Variants in DCAF8L2 observed in about 807,000 individuals in gnomAD.
The protein encoded by DCAF8L2 is DDB1 and CUL4 associated factor 8 like 2.
For synonymous variants in DCAF8L2, 200 were observed against 190.9 expected (o/e 1.05, Z -0.39); for missense variants, 430 against 490.7 (o/e 0.88, Z 1.17).
At chrX:27,512,778 G>GAAAAAAAAA in the DCAF8L2 span, among the ~76,000 whole-genome samples, 2 of 2,523 alleles carry the variant, frequency 7.9e-4, no homozygotes, top group African/African-American at 5.1e-3. Flanking sequence ...ACAATCTTGA[G>GAAAAAAAAA]CAAAAAAAAA....
At chrX:27,598,666 G>A (rs1008722053) in intron 1 of DCAF8L2, among the ~76,000 whole-genome samples, 1 of 111,629 alleles carries the variant, frequency 9.0e-6, no homozygotes, top group Non-Finnish European at 1.9e-5. Flanking sequence ...CTGCTTAAAA[G>A]GTGACTGATC....
chrX:27,552,595 C>T, the DCAF8L2 span, among the ~76,000 whole-genome samples: 2 of 111,849 alleles, frequency 1.8e-5, no homozygotes, highest in South Asian at 3.7e-4. Context: ...TGTCAAAAAT[C>T]AGTTGGCTCT....
At chrX:27,486,013 T>C in the DCAF8L2 span, among the ~76,000 whole-genome samples, 1 of 98,748 alleles carries the variant, frequency 1.0e-5, no homozygotes, top group African/African-American at 3.8e-5. Flanking sequence ...CACTCTAGAT[T>C]TTTTTTTTTT....
intron 1 of DCAF8L2, among the ~76,000 whole-genome samples, chrX:27,593,859 T>C (rs1309277031): frequency 8.9e-6 from 1 of 111,967 alleles, no homozygotes; most frequent in Non-Finnish European, 1.9e-5. Flanking sequence ...CTCATGTTAA[T>C]GGTTTAATAC....
At chrX:27,737,738 G>A (rs1181152348) in intron 4 of DCAF8L2, among the ~76,000 whole-genome samples, 1 of 83,185 alleles carries the variant, frequency 1.2e-5, no homozygotes, top group African/African-American at 4.4e-5. Context: ...GCCCTCTTTT[G>A]TTTCCAAATG....
intron 4 of DCAF8L2, among the ~76,000 whole-genome samples, chrX:27,720,284 G>A (rs754940765): frequency 3.1e-4 from 35 of 111,709 alleles, no homozygotes; most frequent in African/African-American, 9.7e-4. Context: ...TTATTTTATC[G>A]TTATAGTGAG....
the DCAF8L2 span, among the ~76,000 whole-genome samples, chrX:27,503,602 T>C: frequency 1.6e-4 from 18 of 111,153 alleles, no homozygotes; most frequent in African/African-American, 5.9e-4. Context: ...CAATTGGACA[T>C]ATTGGTGTGG....
chrX:27,610,532 A>T (rs1569159117), intron 1 of DCAF8L2, among the ~76,000 whole-genome samples: 1 of 111,848 alleles, frequency 8.9e-6, no homozygotes, highest in Non-Finnish European at 1.9e-5. Flanking sequence ...TTCATTGGCA[A>T]TGATATTTTT....
chrX:27,523,931 C>T, the DCAF8L2 span, among the ~76,000 whole-genome samples: 800 of 110,883 alleles, frequency 7.2e-3, 9 homozygotes, highest in African/African-American at 0.025. Context: ...TTCCGTTTGC[C>T]GGTATTTTAT....
intron 4 of DCAF8L2, among the ~76,000 whole-genome samples, chrX:27,723,219 C>G (rs761256600): frequency 1.8e-5 from 2 of 109,326 alleles, no homozygotes; most frequent in Non-Finnish European, 3.8e-5. Context: ...AAATCAAAAT[C>G]CAGAAGGCCT....
In DCAF8L2 at chrX:27,749,107, G is replaced by T. The variant is rs1922438643; in HGVS notation, c.*316G>T. On this transcript the variant is annotated 3_prime_UTR_variant, in exon 5 of 5. Coordinates refer to ENST00000451261, the MANE Select transcript of DCAF8L2 (RefSeq NM_001353450.2). The stretch of plus-strand genomic sequence containing the variant: ...CTTATAGTTGACCTCTAAATTTTCT[G>T]AATTTTGCTGAAAGAATTAATACCC... 9.0e-6 allele frequency among the ~76,000 whole-genome samples: 1 copy of T among 110,773 alleles called. No individual in the cohort carries two copies. Among genetic ancestry groups the T allele is most frequent in the Non-Finnish European group, 1.9e-5 (1 of 52,968 alleles).
At chrX:27,506,079 A>G in the DCAF8L2 span, among the ~76,000 whole-genome samples, 2 of 112,414 alleles carry the variant, frequency 1.8e-5, no homozygotes, top group Non-Finnish European at 3.8e-5. Context: ...AGAGGAATAT[A>G]TAGATTAGCA....
At chrX:27,726,745 G>C (rs1335406590) in intron 4 of DCAF8L2, among the ~76,000 whole-genome samples, 1 of 112,018 alleles carries the variant, frequency 8.9e-6, no homozygotes, top group Non-Finnish European at 1.9e-5. Context: ...TTGTGCAGTA[G>C]CAGTCCTTGT....
intron 2 of DCAF8L2, among the ~76,000 whole-genome samples, chrX:27,676,000 G>T (rs1246766374): frequency 8.9e-6 from 1 of 112,104 alleles, no homozygotes; most frequent in Non-Finnish European, 1.9e-5. Context: ...GGTTTAATTT[G>T]CATAACTAAA....
At chrX:27,575,429 T>C in the DCAF8L2 span, among the ~76,000 whole-genome samples, 2 of 111,180 alleles carry the variant, frequency 1.8e-5, no homozygotes, top group African/African-American at 3.3e-5. Context: ...TATCCTCACC[T>C]AGGTCAGTGG....
intron 1 of DCAF8L2, among the ~76,000 whole-genome samples, chrX:27,624,336 A>T (rs778679035): frequency 1.8e-5 from 2 of 111,027 alleles, no homozygotes; most frequent in Non-Finnish European, 3.8e-5. Context: ...TATCAAATGC[A>T]AGAAGTTGCT....
intron 2 of DCAF8L2, among the ~76,000 whole-genome samples, chrX:27,675,688 C>A (rs1476165972): frequency 3.6e-5 from 4 of 111,948 alleles, no homozygotes; most frequent in Non-Finnish European, 5.6e-5. Context: ...CACTCTCACA[C>A]CCAAAGAGTC....
At chrX:27,717,599 G>A (rs963300576) in intron 4 of DCAF8L2, among the ~76,000 whole-genome samples, 2 of 112,026 alleles carry the variant, frequency 1.8e-5, no homozygotes, top group Admixed American at 1.9e-4. Flanking sequence ...TTGTAAATGT[G>A]TTTGAGTTTC....
the DCAF8L2 span, among the ~76,000 whole-genome samples, chrX:27,556,978 T>C: frequency 8.9e-6 from 1 of 112,524 alleles, no homozygotes; most frequent in Non-Finnish European, 1.9e-5. Context: ...TAACTTGGTG[T>C]TATTTTTCAC....
Sources: allele counts gnomAD v4.1 joint callset (sites outside exome capture counted in the v4.1 genomes callset), GRCh38; gene constraint gnomAD v4.1.1; transcripts MANE v1.5; gene names NCBI Gene and HGNC (gene_info 2026-07-23, HGNC 2026-07-21).